Variants in IGDCC4 observed in about 807,000 individuals in gnomAD.
IGDCC4 encodes the protein immunoglobulin superfamily DCC subclass member 4.
IGDCC4 carries 72 observed loss-of-function variants against 116.6 expected under a neutral mutation model. That is an observed-to-expected ratio of 0.62 (90% CI 0.51 to 0.75). The LOEUF (loss-of-function observed/expected upper bound fraction) is 0.75. Among genes scored for constraint, IGDCC4 ranks in the 30% least tolerant of loss-of-function variants. The pLI is 0.00. For missense variants in IGDCC4, 1,501 were observed against 1,662.4 expected, an observed-to-expected ratio of 0.90 and a Z score of 1.69; for synonymous variants, 709 against 719.9, an observed-to-expected ratio of 0.98 and a Z score of 0.24.
At position 65,384,812 on chromosome 15, in the gene IGDCC4, T is replaced by C. The variant is rs2091437065; in HGVS notation, c.3342+142A>G. The C allele has an allele frequency of 8.8e-7, 1 of 1,137,940 alleles. No individual in the cohort carries two copies. The highest frequency in any genetic ancestry group is 1.6e-5 in the African/African-American group (1 of 62,622). 70.5% of individuals were successfully genotyped at this position (1,137,940 alleles called of 1,614,324 possible). ...GCCTGCCCTCCACCTACTCAACCTT[T>C]GGAGGCTCCAGGGGTCTCCTGGCTA... On this transcript the variant is annotated intron_variant, in intron 19 of 19. Transcript: ENST00000352385. This position sits in a 1 kb window ranked among gnomAD's most constrained non-coding sequence, Gnocchi z 4.9.
intron 1 of IGDCC4, among the ~76,000 whole-genome samples, chr15:65,420,663 C>T (rs1383352341): frequency 6.6e-6 from 1 of 151,872 alleles, no homozygotes; most frequent in Admixed American, 6.6e-5. Flanking sequence ...TGTCCCTAAA[C>T]TCCAGCTAGA....
chr15:65,416,043 G>A (rs2063139260), intron 1 of IGDCC4, among the ~76,000 whole-genome samples: 1 of 151,298 alleles, frequency 6.6e-6, no homozygotes, highest in Non-Finnish European at 1.5e-5. Context: ...AAAATGAGAA[G>A]TCTCCAAACT....
At position 65,391,941 on chromosome 15, in the gene IGDCC4, G is replaced by T; in HGVS notation, c.2163C>A (p.Asn721Lys). ...RLYEVKLVAF[N>K]KHEDGYAAVW... ...CTGCTGCATAGCCATCCTCATGTTT[G>T]TTGAAAGCCACGAGCTTCACCTCGT... is the stretch of plus-strand genomic sequence containing the variant. The change falls in exon 12 of 20, where the codon AAC becomes AAA. Residue 721 changes from asparagine to lysine, a missense_variant. Asn to Lys is a moderately conservative substitution (Grantham distance 94, BLOSUM62 0). This residue lies in a region of IGDCC4 where 898 missense variants were observed against 978.9 expected (regional missense o/e 0.92). Transcript: ENST00000352385. 3 of 1,613,582 alleles carry T rather than the reference G, an allele frequency of 1.9e-6. No individual in the cohort carries two copies. Among genetic ancestry groups the T allele is most frequent in the Non-Finnish European group, 2.5e-6 (3 of 1,179,828 alleles).
intron 16 of IGDCC4, among the ~76,000 whole-genome samples, chr15:65,388,238 C>T (rs2091479679): frequency 6.7e-6 from 1 of 148,210 alleles, no homozygotes; most frequent in Non-Finnish European, 1.5e-5. Flanking sequence ...GAGTGAAACT[C>T]CATCTCAGAA....
rs752865487 is a variant in IGDCC4 at position 65,393,551 on chromosome 15, G to A, written c.1715-20C>T. 6.4e-7 allele frequency: 1 copy of A among 1,573,934 alleles called. No homozygotes were observed. The highest frequency in any genetic ancestry group is 8.7e-7 in the Non-Finnish European group (1 of 1,154,942). The stretch of plus-strand genomic sequence containing the variant: ...TCTGATCTGCAGGGACAGAAAAGGT[G>A]GGCTGCTGGGTAGCCACCTGAGGAA... On this transcript the variant is annotated intron_variant, in intron 9 of 19. Transcript: ENST00000352385. The surrounding 1 kb of genome is among the most constrained non-coding windows in gnomAD (Gnocchi z 4.6).
intron 16 of IGDCC4, 47 bp from the exon 17 acceptor site, chr15:65,386,703 G>T (rs199878396): frequency 6.9e-6 from 10 of 1,454,582 alleles, no homozygotes; most frequent in Non-Finnish European, 4.8e-6. Flanking sequence ...CAGAGGAAGG[G>T]CACAGGGCAT....
At chr15:65,396,395 T>G (rs1023138823) in intron 6 of IGDCC4, 10 of 648,612 alleles carry the variant, frequency 1.5e-5, no homozygotes, top group Non-Finnish European at 2.3e-5. Flanking sequence ...CCCAAAACTG[T>G]CCCCAGGCCT....
In IGDCC4 at chr15:65,385,215, G is replaced by A. The variant is rs577275525; in HGVS notation, c.3181-100C>T. On this transcript the variant is annotated intron_variant, in intron 18 of 19. Transcript: ENST00000352385. ...ATTGGGATGGGCCGCGGGGGAGCAGGGTCCAGACTGTCACCCGCTGCTCTC... is the reference window on the plus strand; with the variant it reads ...ATTGGGATGGGCCGCGGGGGAGCAGAGTCCAGACTGTCACCCGCTGCTCTC... The A allele has an allele frequency of 1.6e-3, 1,923 of 1,228,108 alleles. 15 individuals are homozygous for A. Among genetic ancestry groups the A allele is most frequent in the South Asian group, 9.0e-3 (625 of 69,778 alleles). The allele number at this position is 1,228,108 out of a possible 1,614,324, so 76.1% of individuals were successfully genotyped here.
intron 1 of IGDCC4, among the ~76,000 whole-genome samples, chr15:65,422,022 TG>T (rs961659302): frequency 1.9e-4 from 29 of 152,162 alleles, no homozygotes; most frequent in Non-Finnish European, 1.5e-5. Context: ...GGTCGGTCCC[TG>T]GGGGGTGGGG....
rs1417453940 is a variant in IGDCC4 at position 65,405,211 on chromosome 15, T to C, written c.564-2724A>G. The stretch of plus-strand genomic sequence containing the variant: ...GAGAAAAGTTATATTAGGATATACA[T>C]AGAAAAAGCCACAGGTGGCAAAGCT... On this transcript the variant is annotated intron_variant, in intron 3 of 19. Transcript: ENST00000352385. Among the ~76,000 whole-genome samples, 4 of 151,086 alleles carry C rather than the reference T, an allele frequency of 2.6e-5. No homozygotes were observed. The South Asian group carries it at 6.2e-4, about 24-fold the overall frequency.
chr15:65,384,333 G>A lies in IGDCC4; in HGVS notation c.3429C>T (p.Asn1143=), dbSNP rs770327867. Residue 1143 remains asparagine, a synonymous_variant, in exon 20 of 20, where the codon AAC becomes AAT. Transcript: ENST00000352385. The surrounding 1 kb of genome is among the most constrained non-coding windows in gnomAD (Gnocchi z 4.9). The part of the protein sequence containing the change: ...VIVHSDFSAS[N]GNPDLHLQDL... ...CTTGGAGATGGAGGTCAGGGTTCCC[G>A]TTAGATGCACTAAAGTCAGAGTGGA... 1.3e-5 allele frequency: 21 copies of A among 1,597,636 alleles called. No individual in the cohort carries two copies. The Admixed American group carries it at 1.4e-4, about 11-fold the overall frequency.
At chr15:65,397,797 C>G (rs1368661416) in intron 5 of IGDCC4, among the ~76,000 whole-genome samples, 1 of 152,156 alleles carries the variant, frequency 6.6e-6, no homozygotes, top group Non-Finnish European at 1.5e-5. Flanking sequence ...GGCCTTGAAG[C>G]CAAGGATTCC....
At chr15:65,408,976 G>A (rs1307899713) in intron 3 of IGDCC4, among the ~76,000 whole-genome samples, 1 of 151,810 alleles carries the variant, frequency 6.6e-6, no homozygotes, top group Admixed American at 6.6e-5. Flanking sequence ...GGGACCACAG[G>A]CACCACACTG....
Position 65,400,863 on chromosome 15 carries a change from C to A in IGDCC4, c.784G>T (p.Val262Leu). 1 of 1,614,048 alleles carries A rather than the reference C, an allele frequency of 6.2e-7. No homozygotes were observed. Among genetic ancestry groups the A allele is most frequent in the South Asian group, 1.1e-5 (1 of 91,070 alleles). The change falls in exon 5 of 20, where the codon GTG (valine) becomes TTG (leucine). Residue 262 changes from valine to leucine, a missense_variant. Val to Leu is a conservative substitution (Grantham distance 32). Transcript: ENST00000352385. ...TCAGCTGAGGCCACACATTCCATCA[C>A]CACACTCTGGCCAGACACCACTGTG... ...NTTVVSGQSV[V>L]MECVASADPT...
At chr15:65,395,606 G>A (rs2062915427) in intron 7 of IGDCC4, 144 bp downstream of exon 7, 1 of 850,008 alleles carries the variant, frequency 1.2e-6, no homozygotes, top group Non-Finnish European at 1.7e-6. Context: ...ATACTTATGC[G>A]GGTCTCTCCT....
chr15:65,388,343 A>G, intron 16 of IGDCC4, 106 bp downstream of exon 16: 2 of 1,502,994 alleles, frequency 1.3e-6, no homozygotes, highest in Non-Finnish European at 1.8e-6. Flanking sequence ...CTCTGCCCCC[A>G]CCAAACCTGG....
chr15:65,419,916 C>T (rs1009013855), intron 1 of IGDCC4, among the ~76,000 whole-genome samples: 1 of 152,130 alleles, frequency 6.6e-6, no homozygotes, highest in Non-Finnish European at 1.5e-5. Flanking sequence ...CCAATACCAG[C>T]CCTTCATTCT....
At chr15:65,397,687 A>T (rs921314282) in intron 5 of IGDCC4, among the ~76,000 whole-genome samples, 1 of 151,626 alleles carries the variant, frequency 6.6e-6, no homozygotes. Context: ...AAAAAAAGAT[A>T]TTAAAACACA....
chr15:65,402,857 A>G (rs2063003529), intron 3 of IGDCC4, among the ~76,000 whole-genome samples: 2 of 152,022 alleles, frequency 1.3e-5, no homozygotes, highest in South Asian at 4.1e-4. Context: ...ACAACAGCAA[A>G]ACTCCATCTC....
Sources: gnomAD v4.1 joint callset for allele counts (sites outside exome capture counted in the v4.1 genomes callset) on GRCh38, gnomAD v4.1.1 for gene constraint, gnomAD v4.1.1 regional missense constraint, Gnocchi (gnomAD v3.1) non-coding constraint, MANE v1.5 for transcripts, NCBI Gene and HGNC (gene_info 2026-07-23, HGNC 2026-07-21) for gene names.